The following SPMAP2 variants were observed in gnomAD, a reference collection of about 807,000 sequenced individuals.
SPMAP2 encodes Theg homolog.
the SPMAP2 span, chr19:374,414 A>G: frequency 6.2e-7 from 1 of 1,614,008 alleles, no homozygotes; most frequent in Non-Finnish European, 8.5e-7. Context: ...TGGCTGATGG[A>G]CAGCCGGCTT....
At chr19:372,812 T>C in the SPMAP2 span, 3 of 1,005,234 alleles carry the variant, frequency 3.0e-6, no homozygotes, top group African/African-American at 4.7e-5. Context: ...GGAGGCTGAA[T>C]TGGAAGAACT....
At chr19:374,440 T>G in the SPMAP2 span, 3 of 1,613,948 alleles carry the variant, frequency 1.9e-6, no homozygotes, top group East Asian at 6.7e-5. Context: ...GAATTCCACG[T>G]TGAAGTTGGA....
chr19:364,695 G>A, the SPMAP2 span, among the ~76,000 whole-genome samples: 1 of 151,714 alleles, frequency 6.6e-6, no homozygotes, highest in African/African-American at 2.4e-5. Flanking sequence ...CCCTGGCTGG[G>A]GTCATGTCTT....
the SPMAP2 span, among the ~76,000 whole-genome samples, chr19:372,074 G>T: frequency 6.6e-6 from 1 of 152,240 alleles, no homozygotes; most frequent in African/African-American, 2.4e-5. Flanking sequence ...CGTGAGGACA[G>T]TGTGTGCGAC....
chr19:366,728 G>C, the SPMAP2 span, among the ~76,000 whole-genome samples: 8 of 152,102 alleles, frequency 5.3e-5, no homozygotes, highest in African/African-American at 1.9e-4. Flanking sequence ...CTGGCAATTC[G>C]CACACATTAC....
the SPMAP2 span, chr19:366,950 T>C: frequency 8.3e-7 from 1 of 1,204,232 alleles, no homozygotes; most frequent in Non-Finnish European, 1.2e-6. Flanking sequence ...CTGTGATTTC[T>C]GCTTCTCTTT....
At chr19:370,463 T>C in the SPMAP2 span, among the ~76,000 whole-genome samples, 1 of 150,946 alleles carries the variant, frequency 6.6e-6, no homozygotes, top group East Asian at 2.0e-4. Flanking sequence ...TGCCTCAGCC[T>C]CCGGAGTAGT....
chr19:362,721 G>C, the SPMAP2 span, among the ~76,000 whole-genome samples: 2 of 145,164 alleles, frequency 1.4e-5, no homozygotes, highest in African/African-American at 5.2e-5. Context: ...AGCGCAGATC[G>C]CGTCACTGCA....
chr19:363,658 C>T, the SPMAP2 span, among the ~76,000 whole-genome samples: 24 of 151,886 alleles, frequency 1.6e-4, no homozygotes, highest in South Asian at 2.3e-3. Context: ...CTCAGCCTCC[C>T]GAGTAGCTGG....
chr19:368,594 C>T, the SPMAP2 span, among the ~76,000 whole-genome samples: 1 of 152,152 alleles, frequency 6.6e-6, no homozygotes, highest in African/African-American at 2.4e-5. The surrounding 1 kb of genome is among the most constrained non-coding windows in gnomAD (Gnocchi z 4.1). Context: ...TGGAGCGTTA[C>T]CTGACAGTCT....
chr19:373,648 G>C, the SPMAP2 span: 1 of 969,400 alleles, frequency 1.0e-6, no homozygotes, highest in East Asian at 2.6e-5. Context: ...TGCTGGGAGA[G>C]GGGGTAGGCC....
the SPMAP2 span, among the ~76,000 whole-genome samples, chr19:371,726 G>A: frequency 6.6e-6 from 1 of 152,208 alleles, no homozygotes; most frequent in East Asian, 1.9e-4. Flanking sequence ...AGGGATGAAA[G>A]TGTCTGTCCT....
chr19:364,059 C>T, the SPMAP2 span, among the ~76,000 whole-genome samples: 57 of 151,764 alleles, frequency 3.8e-4, no homozygotes, highest in East Asian at 7.9e-4. Flanking sequence ...TTCGGTTGGG[C>T]GCGGTGGCTC....
the SPMAP2 span, chr19:373,985 G>A: frequency 1.2e-6 from 2 of 1,613,676 alleles, no homozygotes; most frequent in South Asian, 2.2e-5. Flanking sequence ...GGAGATCCAG[G>A]CATACCCCTT....
chr19:367,717 C>G, the SPMAP2 span, among the ~76,000 whole-genome samples: 6 of 152,104 alleles, frequency 3.9e-5, no homozygotes, highest in African/African-American at 1.4e-4. Context: ...GGGACTCCTG[C>G]GCTTGACCCG....
chr19:372,481 TG>T, the SPMAP2 span: 1 of 713,880 alleles, frequency 1.4e-6, no homozygotes, highest in Non-Finnish European at 2.4e-6. Flanking sequence ...GCTGGGGATG[TG>T]GGCTGGGAAG....
the SPMAP2 span, chr19:374,352 C>T: frequency 3.7e-6 from 6 of 1,614,134 alleles, no homozygotes; most frequent in Non-Finnish European, 5.1e-6. Flanking sequence ...CCATGAGCCT[C>T]CTCCGCCTCC....
chr19:371,313 AG>A, the SPMAP2 span: 1 of 1,474,052 alleles, frequency 6.8e-7, no homozygotes, highest in Non-Finnish European at 9.0e-7. Context: ...TGGGCCAGAC[AG>A]GAGTCGTCCT....
At chr19:375,564 G>T in the SPMAP2 span, 3 of 1,280,874 alleles carry the variant, frequency 2.3e-6, no homozygotes, top group Non-Finnish European at 3.2e-6. Flanking sequence ...GGCCGGTTAC[G>T]ACCCTTTCGC....
Sources: gnomAD v4.1 joint callset for allele counts (sites outside exome capture counted in the v4.1 genomes callset) on GRCh38, gnomAD v4.1.1 for gene constraint, Gnocchi (gnomAD v3.1) non-coding constraint, MANE v1.5 for transcripts, NCBI Gene and HGNC (gene_info 2026-07-23, HGNC 2026-07-21) for gene names.